CFTR: variants seen among roughly 807,000 people sequenced by gnomAD.
CFTR encodes CF transmembrane conductance regulator.
In CFTR, 181 loss-of-function variants were observed where a neutral mutation model predicts 171.6. The ratio of observed to expected loss-of-function variants is 1.05; its 90% CI spans 0.93 to 1.19. The LOEUF (loss-of-function observed/expected upper bound fraction) is 1.19. CFTR is among the 50% of genes most tolerant of loss of function. The pLI is 0.00. For synonymous variants in CFTR, 583 were observed against 608.0 expected (o/e 0.96, Z 0.60); for missense variants, 1,968 against 1,734.7 (o/e 1.13, Z -2.39).
At chr7:117,507,352 T>C (rs1798436704) in intron 2 of CFTR, among the ~76,000 whole-genome samples, 1 of 152,244 alleles carries the variant, frequency 6.6e-6, no homozygotes, top group South Asian at 2.1e-4. Flanking sequence ...TCTCAGCTCC[T>C]GAAGTATGGT....
At chr7:117,609,675 G>A (rs1356606047) in intron 18 of CFTR, among the ~76,000 whole-genome samples, 1 of 152,076 alleles carries the variant, frequency 6.6e-6, no homozygotes, top group Non-Finnish European at 1.5e-5. Flanking sequence ...AGAACTTTCT[G>A]AATCAAAAGA....
In CFTR at chr7:117,516,233, A is replaced by AT. The variant is rs963159855; in HGVS notation, c.273+7101dup. Among the ~76,000 whole-genome samples, 130 of 149,320 alleles carry AT rather than the reference A, an allele frequency of 8.7e-4. 1 individual carries two copies. In the South Asian group the frequency reaches 0.016, roughly 18 times the overall value. ...TATGCATTGTTTCCAAAGGTTCAGC[A>AT]TTTTTTTTTTGTTAACTCTGCTGGG... is the stretch of plus-strand genomic sequence containing the variant. On this transcript the variant is annotated intron_variant, in intron 3 of 26. Coordinates refer to ENST00000003084, the MANE Select transcript of CFTR (RefSeq NM_000492.4).
At chr7:117,626,818 A>G (rs1003389136) in intron 21 of CFTR, among the ~76,000 whole-genome samples, 3 of 152,028 alleles carry the variant, frequency 2.0e-5, no homozygotes, top group Admixed American at 6.6e-5. Flanking sequence ...AAAAATTATC[A>G]AGTCCTTTTA....
chr7:117,596,858 G>C (rs911738260), intron 15 of CFTR, among the ~76,000 whole-genome samples: 2 of 152,066 alleles, frequency 1.3e-5, no homozygotes, highest in African/African-American at 2.4e-5. Flanking sequence ...TCTAGCTCAG[G>C]GTTTGTAAAT....
At chr7:117,637,316 T>C (rs1792841722) in intron 22 of CFTR, among the ~76,000 whole-genome samples, 1 of 151,990 alleles carries the variant, frequency 6.6e-6, no homozygotes, top group African/African-American at 2.4e-5. Context: ...AAATAGGCCT[T>C]TAGTAATGTA....
At chr7:117,506,526 G>A (rs1332567347) in intron 2 of CFTR, among the ~76,000 whole-genome samples, 2 of 152,186 alleles carry the variant, frequency 1.3e-5, no homozygotes, top group Non-Finnish European at 2.9e-5. Context: ...GATTATAGGT[G>A]TGAGCCACTA....
At chr7:117,612,006 G>GATATATATATATATGTATATATATAT (rs2093074247) in intron 20 of CFTR, among the ~76,000 whole-genome samples, 198 bp downstream of exon 20, 5 of 76,794 alleles carry the variant, frequency 6.5e-5, no homozygotes, top group Non-Finnish European at 1.3e-4. Context: ...CTTGAAATCG[G>GATATATATATATATGTATATATATAT]ATATATATAT....
rs1032976754 is a variant in CFTR at position 117,644,431 on chromosome 7, GGAA to G, written c.3873+1843_3873+1845del. Among the ~76,000 whole-genome samples the G allele has an allele frequency of 2.2e-4, 33 of 150,920 alleles. 1 individual carries two copies. Among genetic ancestry groups the G allele is most frequent in the South Asian group, 6.3e-4 (3 of 4,766 alleles). ...CTAAAGTTTAAAAAGAAAAAAAAAA[GGAA>G]GAAGGAATTAAAAATCCAAAGAAAA... On this transcript the variant is annotated intron_variant, in intron 23 of 26. Transcript: ENST00000003084.
At position 117,563,339 on chromosome 7, in the gene CFTR, A is replaced by T. The variant is rs79043139; in HGVS notation, c.1584+3684A>T. ...ATATCTGACTACAAGGAGAAAGACT[A>T]ATAGGAAACCATTTCAGGAATCCAG... On this transcript the variant is annotated intron_variant, in intron 11 of 26. Transcript: ENST00000003084. 9.5e-4 allele frequency among the ~76,000 whole-genome samples: 145 copies of T among 152,272 alleles called. 2 individuals carry two copies. The East Asian group carries it at 0.023, about 24-fold the overall frequency.
chr7:117,536,115 A>G (rs528653854), intron 6 of CFTR, among the ~76,000 whole-genome samples: 18 of 152,366 alleles, frequency 1.2e-4, no homozygotes, highest in South Asian at 4.1e-4. Flanking sequence ...TGAATGACTT[A>G]CACAAGTCAC....
intron 23 of CFTR, among the ~76,000 whole-genome samples, chr7:117,646,863 T>G (rs1178723228): frequency 6.6e-6 from 1 of 152,094 alleles, no homozygotes; most frequent in Admixed American, 6.6e-5. Context: ...GATTATTTGG[T>G]CAGACCAGGG....
At chr7:117,566,248 A>AACACACACAC (rs71314621) in intron 11 of CFTR, among the ~76,000 whole-genome samples, 3,280 of 138,842 alleles carry the variant, frequency 0.024, 35 homozygotes, top group Non-Finnish European at 0.03. Context: ...AGCCTACTAA[A>AACACACACAC]ACACACACAC....
intron 4 of CFTR, among the ~76,000 whole-genome samples, chr7:117,531,981 TA>T (rs1747871547): frequency 6.6e-6 from 1 of 151,998 alleles, no homozygotes; most frequent in Admixed American, 6.6e-5. Flanking sequence ...AAATAACCCA[TA>T]ACACTTCTAA....
chr7:117,659,616 T>G lies in CFTR; in HGVS notation c.3964-5072T>G, dbSNP rs188408515. Among the ~76,000 whole-genome samples, 26 of 152,336 alleles carry G rather than the reference T, an allele frequency of 1.7e-4. No homozygotes were observed. In the East Asian group the frequency reaches 4.8e-3, roughly 28 times the overall value. ...TGCAGGAGCAGAGCTGCATCACCCC[T>G]GTGGGCTATCTCAGGGTTGTCTGTA... is the stretch of plus-strand genomic sequence containing the variant. On this transcript the variant is annotated intron_variant, in intron 24 of 26. Transcript: ENST00000003084.
intron 22 of CFTR, among the ~76,000 whole-genome samples, chr7:117,629,810 C>T (rs1465559760): frequency 6.6e-6 from 1 of 152,190 alleles, no homozygotes; most frequent in East Asian, 1.9e-4. Flanking sequence ...TTATTGAGAG[C>T]TTATCATATC....
chr7:117,605,563 A>T (rs1312743942), intron 17 of CFTR, among the ~76,000 whole-genome samples: 1 of 152,190 alleles, frequency 6.6e-6, no homozygotes, highest in African/African-American at 2.4e-5. Context: ...TGTATCAAGT[A>T]TGTCCAGAGG....
chr7:117,631,971 C>T (rs1252315004), intron 22 of CFTR, among the ~76,000 whole-genome samples: 1 of 152,164 alleles, frequency 6.6e-6, no homozygotes, highest in Non-Finnish European at 1.5e-5. Flanking sequence ...CAGTTGTCAG[C>T]ATTGCTTGGT....
At chr7:117,546,893 CATGT>C (rs1326352889) in intron 9 of CFTR, among the ~76,000 whole-genome samples, 1 of 152,142 alleles carries the variant, frequency 6.6e-6, no homozygotes, top group Non-Finnish European at 1.5e-5. Flanking sequence ...CATAGCCTAG[CATGT>C]ATGTCATTTA....
intron 22 of CFTR, 86 bp from the exon 23 acceptor site, chr7:117,642,352 G>A (rs560707813): frequency 3.9e-6 from 5 of 1,288,488 alleles, no homozygotes; most frequent in Non-Finnish European, 4.5e-6. Context: ...TATTCCAATG[G>A]TTTTTATTGA....
Sources: gnomAD v4.1 joint callset for allele counts (sites outside exome capture counted in the v4.1 genomes callset) on GRCh38, gnomAD v4.1.1 for gene constraint, MANE v1.5 for transcripts, NCBI Gene and HGNC (gene_info 2026-07-23, HGNC 2026-07-21) for gene names.